The following BMPR1B variants were observed in gnomAD, a reference collection of about 807,000 sequenced individuals.
BMPR1B encodes the protein bone morphogenetic protein receptor type 1B.
A neutral mutation model predicts 59.1 loss-of-function variants in BMPR1B; 12 were observed. That is an observed-to-expected ratio of 0.20 (90% confidence interval 0.13 to 0.33). The LOEUF (loss-of-function observed/expected upper bound fraction) is 0.33. Ranked by LOEUF, BMPR1B falls within the 10% of genes least tolerant of loss-of-function variation. BMPR1B has a pLI of 1.00. For synonymous variants in BMPR1B, 237 were observed against 207.3 expected (o/e 1.14, Z -1.23); for missense variants, 550 against 610.9 (o/e 0.90, Z 1.05).
intron 1 of BMPR1B, among the ~76,000 whole-genome samples, chr4:94,814,101 G>A (rs1053061542): frequency 6.6e-5 from 10 of 152,046 alleles, no homozygotes; most frequent in African/African-American, 2.4e-4. Flanking sequence ...AATTTAAAAC[G>A]GGTTGCAAAT....
At chr4:95,124,958 A>AT (rs1560672814) in intron 7 of BMPR1B, 25 bp from the exon 8 acceptor site, 1 of 1,602,492 alleles carries the variant, frequency 6.2e-7, no homozygotes, top group South Asian at 1.1e-5. Context: ...ATTATCTAAA[A>AT]TTATCTTCAT....
At chr4:94,999,386 A>C (rs2149107124) in intron 3 of BMPR1B, among the ~76,000 whole-genome samples, 1 of 152,108 alleles carries the variant, frequency 6.6e-6, no homozygotes, top group Non-Finnish European at 1.5e-5. Flanking sequence ...AATAATTAAA[A>C]AATTATTTTG....
chr4:95,151,702 T>G (rs1735053776), intron 11 of BMPR1B, among the ~76,000 whole-genome samples: 1 of 152,148 alleles, frequency 6.6e-6, no homozygotes, highest in Non-Finnish European at 1.5e-5. Flanking sequence ...CCCCAGTGAA[T>G]TTAACGATGT....
intron 5 of BMPR1B, 104 bp downstream of exon 5, chr4:95,114,926 T>C: frequency 1.8e-6 from 2 of 1,097,346 alleles, no homozygotes; most frequent in South Asian, 2.5e-5. Flanking sequence ...ATTTTTAGTA[T>C]AGTCATGAGC....
chr4:94,878,678 T>C (rs1726834747), intron 2 of BMPR1B, among the ~76,000 whole-genome samples: 3 of 152,068 alleles, frequency 2.0e-5, no homozygotes, highest in Admixed American at 1.3e-4. Flanking sequence ...TAGGGCCTAG[T>C]GCAGAAGCTC....
intron 3 of BMPR1B, among the ~76,000 whole-genome samples, chr4:95,022,188 T>G (rs1454865532): frequency 6.6e-6 from 1 of 152,164 alleles, no homozygotes; most frequent in East Asian, 1.9e-4. Context: ...AGATGCTGAA[T>G]GAAACTTCTT....
intron 2 of BMPR1B, among the ~76,000 whole-genome samples, chr4:94,965,458 CTCCAAAAAAGATGTAGGTAT>C (rs1244724161): frequency 6.6e-6 from 1 of 152,122 alleles, no homozygotes; most frequent in East Asian, 1.9e-4. Context: ...ATCCTCCCCA[CTCCAAAAAAGATGTAGGTAT>C]TCCAAAGACT....
intron 3 of BMPR1B, among the ~76,000 whole-genome samples, chr4:95,031,403 G>T (rs1252801887): frequency 6.6e-6 from 1 of 152,124 alleles, no homozygotes; most frequent in South Asian, 2.1e-4. Context: ...AGATGCTTCT[G>T]TTTTCAGAAA....
intron 2 of BMPR1B, among the ~76,000 whole-genome samples, chr4:94,940,435 T>C (rs1002379390): frequency 6.6e-6 from 1 of 152,194 alleles, no homozygotes; most frequent in Non-Finnish European, 1.5e-5. Flanking sequence ...CCCTGGCTTA[T>C]GGGATTCTCA....
chr4:95,025,894 A>T (rs1724320252), intron 3 of BMPR1B, among the ~76,000 whole-genome samples: 1 of 152,196 alleles, frequency 6.6e-6, no homozygotes, highest in Admixed American at 6.6e-5. Flanking sequence ...TACAATCTTA[A>T]TAGCATTGCT....
chr4:95,111,687 ATG>A (rs753184322), intron 4 of BMPR1B, among the ~76,000 whole-genome samples: 17 of 152,154 alleles, frequency 1.1e-4, no homozygotes, highest in African/African-American at 2.4e-4. Context: ...TTGCAAGTGT[ATG>A]TTCACCTGGG....
At chr4:94,822,532 A>G (rs1244104335) in intron 1 of BMPR1B, among the ~76,000 whole-genome samples, 1 of 152,110 alleles carries the variant, frequency 6.6e-6, no homozygotes, top group Non-Finnish European at 1.5e-5. Flanking sequence ...GTAGAAGAGG[A>G]AGAGAGGAGG....
At chr4:94,874,375 T>C (rs2148971161) in intron 1 of BMPR1B, among the ~76,000 whole-genome samples, 1 of 152,284 alleles carries the variant, frequency 6.6e-6, no homozygotes, top group South Asian at 2.1e-4. Flanking sequence ...AAAGTGTTGC[T>C]ATAGTCTTAT....
chr4:94,871,395 T>C (rs1020170306), intron 1 of BMPR1B, among the ~76,000 whole-genome samples: 2 of 152,238 alleles, frequency 1.3e-5, no homozygotes, highest in Admixed American at 1.3e-4. Flanking sequence ...ATGCATTTCA[T>C]AATTTTATAT....
intron 3 of BMPR1B, among the ~76,000 whole-genome samples, chr4:95,000,877 A>C (rs949171198): frequency 1.4e-4 from 21 of 152,300 alleles, no homozygotes; most frequent in African/African-American, 5.1e-4. Context: ...TTTGCCAACC[A>C]AAATTTTTCT....
At chr4:94,993,885 T>C (rs908805788) in intron 2 of BMPR1B, among the ~76,000 whole-genome samples, 1 of 152,068 alleles carries the variant, frequency 6.6e-6, no homozygotes, top group Non-Finnish European at 1.5e-5. Flanking sequence ...AATAGCAATG[T>C]AAATTTCAGC....
chr4:94,956,705 T>C (rs762241734), intron 2 of BMPR1B, among the ~76,000 whole-genome samples: 22 of 152,206 alleles, frequency 1.4e-4, no homozygotes, highest in Non-Finnish European at 2.9e-4. Flanking sequence ...CTTTATAATA[T>C]GAATTATGGA....
rs1471992478 is a variant in BMPR1B, at chr4:94,848,987, A to G, written c.-182-26844A>G. On this transcript the variant is annotated intron_variant, in intron 1 of 12. Transcript: ENST00000515059. ...TGAAACCAGAAATTCATTTTTAGAT[A>G]CACTGAGATGTCAATTAAAATGGAT... Among the ~76,000 whole-genome samples the G allele has an allele frequency of 2.0e-5, 3 of 152,164 alleles. No homozygotes were observed. In the East Asian group the frequency reaches 5.8e-4, roughly 29 times the overall value.
At chr4:94,905,641 G>A (rs1334895969) in intron 2 of BMPR1B, among the ~76,000 whole-genome samples, 4 of 151,852 alleles carry the variant, frequency 2.6e-5, no homozygotes, top group African/African-American at 9.7e-5. Context: ...GCTGTCATTG[G>A]GATTTTGTTG....
Sources: allele counts gnomAD v4.1 joint callset (sites outside exome capture counted in the v4.1 genomes callset), GRCh38; gene constraint gnomAD v4.1.1; transcripts MANE v1.5; gene names NCBI Gene and HGNC (gene_info 2026-07-23, HGNC 2026-07-21).